Variants in DLG2 observed in about 807,000 individuals in gnomAD.
The protein encoded by DLG2 is discs large MAGUK scaffold protein 2.
A neutral mutation model predicts 132.5 loss-of-function variants in DLG2; 45 were observed. That is an observed-to-expected ratio of 0.34 (90% CI 0.27 to 0.44). The LOEUF is 0.44. Among genes scored for constraint, DLG2 ranks in the 20% least tolerant of loss-of-function variants. The pLI is 1.00. For missense variants in DLG2, 1,045 were observed against 1,196.9 expected, an observed-to-expected ratio of 0.87 and a Z score of 1.87; for synonymous variants, 424 against 419.6, an observed-to-expected ratio of 1.01 and a Z score of -0.13.
intron 3 of DLG2, among the ~76,000 whole-genome samples, chr11:85,592,856 G>C (rs2079458469): frequency 1.3e-5 from 2 of 151,998 alleles, no homozygotes; most frequent in African/African-American, 4.8e-5. Flanking sequence ...GGGAGGCTGA[G>C]GTGGGAGGAT....
intron 3 of DLG2, among the ~76,000 whole-genome samples, chr11:85,287,441 A>C (rs1051943434): frequency 3.9e-5 from 6 of 152,154 alleles, no homozygotes; most frequent in African/African-American, 1.4e-4. Context: ...TGGTGATAAA[A>C]AATACAAACT....
intron 6 of DLG2, among the ~76,000 whole-genome samples, chr11:84,738,895 T>C (rs926591692): frequency 2.0e-5 from 3 of 152,134 alleles, no homozygotes; most frequent in African/African-American, 7.2e-5. Context: ...AAACAAGATA[T>C]ATATGTAAAA....
intron 4 of DLG2, among the ~76,000 whole-genome samples, chr11:85,188,785 G>A (rs371340157): frequency 3.2e-4 from 48 of 152,092 alleles, no homozygotes; most frequent in Admixed American, 8.5e-4. Flanking sequence ...CAGTAAACTT[G>A]AAGATTAGAA....
At chr11:83,851,898 G>A (rs1394041093) in intron 16 of DLG2, among the ~76,000 whole-genome samples, 1 of 150,654 alleles carries the variant, frequency 6.6e-6, no homozygotes, top group Non-Finnish European at 1.5e-5. Flanking sequence ...CAGCCTGGGT[G>A]ACAGAGCGAG....
intron 6 of DLG2, among the ~76,000 whole-genome samples, chr11:84,614,698 T>C (rs1429583150): frequency 1.1e-4 from 16 of 152,138 alleles, no homozygotes; most frequent in Admixed American, 9.2e-4. Context: ...TCCCTGTCTA[T>C]TTAACAAAGC....
intron 11 of DLG2, among the ~76,000 whole-genome samples, chr11:83,980,939 A>G (rs1187016641): frequency 6.6e-6 from 1 of 152,186 alleles, no homozygotes; most frequent in Non-Finnish European, 1.5e-5. Context: ...AACTGGCCAG[A>G]GCAGGGATCA....
intron 6 of DLG2, among the ~76,000 whole-genome samples, chr11:84,756,052 C>T (rs970777410): frequency 1.3e-5 from 2 of 152,010 alleles, no homozygotes; most frequent in African/African-American, 2.4e-5. Context: ...GTATAAAATG[C>T]TAAGATGGAC....
chr11:85,292,688 G>GGGAC (rs2078983711), intron 3 of DLG2, among the ~76,000 whole-genome samples: 2 of 97,136 alleles, frequency 2.1e-5, no homozygotes, highest in Admixed American at 2.0e-4. Flanking sequence ...GAGGGAGGGA[G>GGGAC]GGAGGGAGGG....
At chr11:85,490,380 T>C (rs1317751630) in intron 3 of DLG2, among the ~76,000 whole-genome samples, 1 of 151,574 alleles carries the variant, frequency 6.6e-6, no homozygotes, top group African/African-American at 2.4e-5. Flanking sequence ...ATTGAACAAC[T>C]AGTTCAAGGA....
intron 18 of DLG2, chr11:83,720,963 A>G (rs1171723840): frequency 6.6e-6 from 1 of 152,134 alleles, no homozygotes; most frequent in Non-Finnish European, 1.5e-5. Flanking sequence ...TGAATCAACT[A>G]ATCTGATTAA....
chr11:84,600,243 G>GAGAAAGAAAGA (rs1565420863), intron 6 of DLG2, among the ~76,000 whole-genome samples: 6 of 99,444 alleles, frequency 6.0e-5, no homozygotes, highest in African/African-American at 2.6e-4. Context: ...AGACAGAAAA[G>GAGAAAGAAAGA]CAAGCAAGCA....
chr11:84,012,131 A>C (rs1466300456), intron 11 of DLG2, among the ~76,000 whole-genome samples: 1 of 152,148 alleles, frequency 6.6e-6, no homozygotes, highest in Non-Finnish European at 1.5e-5. Context: ...TTTCAAGACT[A>C]ACAAAATCTG....
chr11:84,624,637 G>T (rs1042937399), intron 6 of DLG2, among the ~76,000 whole-genome samples: 1 of 151,304 alleles, frequency 6.6e-6, no homozygotes, highest in East Asian at 1.9e-4. Flanking sequence ...ATTTAATAGA[G>T]ACAGAAACTA....
intron 9 of DLG2, among the ~76,000 whole-genome samples, chr11:84,114,760 C>G (rs1330487124): frequency 1.3e-5 from 2 of 151,386 alleles, no homozygotes; most frequent in East Asian, 3.9e-4. Flanking sequence ...TCTCTGCTCA[C>G]TACAACTTCT....
chr11:83,899,059 G>A (rs1010675809), intron 15 of DLG2, among the ~76,000 whole-genome samples: 5 of 150,856 alleles, frequency 3.3e-5, no homozygotes, highest in Admixed American at 6.6e-5. Context: ...AGTACTTTTT[G>A]CATACAGTGA....
intron 10 of DLG2, among the ~76,000 whole-genome samples, chr11:84,085,368 A>G (rs1449275024): frequency 3.9e-5 from 6 of 152,236 alleles, no homozygotes. Context: ...TGGAGAGACT[A>G]TTAGAAATAA....
chr11:83,589,451 G>C (rs1202420735), intron 19 of DLG2, among the ~76,000 whole-genome samples: 1 of 151,796 alleles, frequency 6.6e-6, no homozygotes, highest in Non-Finnish European at 1.5e-5. Context: ...GAGAGATTTT[G>C]TCACCAGCAG....
intron 6 of DLG2, among the ~76,000 whole-genome samples, chr11:85,027,285 G>A (rs752135527): frequency 1.1e-4 from 16 of 146,106 alleles, no homozygotes; most frequent in Non-Finnish European, 2.1e-4. Flanking sequence ...AAAGAATTTG[G>A]CAATAAGTTA....
chr11:83,884,124 C>T (rs1269582608), intron 15 of DLG2, among the ~76,000 whole-genome samples: 32 of 152,174 alleles, frequency 2.1e-4, no homozygotes, highest in Admixed American at 2.1e-3. Flanking sequence ...CATGCGCGAG[C>T]CGAAGCAGGG....
Sources: gnomAD v4.1 joint callset for allele counts (sites outside exome capture counted in the v4.1 genomes callset) on GRCh38, gnomAD v4.1.1 for gene constraint, MANE v1.5 for transcripts, NCBI Gene and HGNC (gene_info 2026-07-23, HGNC 2026-07-21) for gene names.